The following RGS7 variants were observed in gnomAD, a reference collection of about 807,000 sequenced individuals.
RGS7 encodes the protein regulator of G protein signaling 7.
Under a neutral mutation model 81.1 loss-of-function variants are expected in RGS7, and 27 were observed. That is an observed-to-expected ratio of 0.33 (90% confidence interval 0.25 to 0.46). RGS7 has a LOEUF of 0.46. Among genes scored for constraint, RGS7 ranks in the 20% least tolerant of loss-of-function variants. RGS7 has a pLI of 1.00. For missense variants in RGS7, 396 were observed against 607.4 expected (o/e 0.65, Z 3.66); for synonymous variants, 208 against 207.7 (o/e 1.00, Z -0.01).
rs538736825 is a variant in RGS7, at chr1:241,155,389, C to G, written c.79-56627G>C. 1.1e-3 allele frequency among the ~76,000 whole-genome samples: 172 copies of G among 152,210 alleles called. 2 individuals carry two copies. Among genetic ancestry groups the G allele is most frequent in the African/African-American group, 4.0e-3 (167 of 41,530 alleles). On this transcript the variant is annotated intron_variant, in intron 2 of 18. Coordinates refer to ENST00000440928, the MANE Select transcript of RGS7 (RefSeq NM_001364886.1). Reference sequence around the variant, plus strand: ...TTGGGATTACAGGCGTGAGCCACCTCACCTGGCCAGATTATGTGTCTTTAA... The same window carrying G: ...TTGGGATTACAGGCGTGAGCCACCTGACCTGGCCAGATTATGTGTCTTTAA...
rs571777995 is a variant in RGS7, at chr1:240,923,724, A to AC, written c.385+6992_385+6993insG. 6.3e-3 allele frequency among the ~76,000 whole-genome samples: 952 copies of AC among 152,090 alleles called. 9 individuals carry two copies. Among genetic ancestry groups the AC allele is most frequent in the African/African-American group, 0.02 (850 of 41,540 alleles). ...AATGGAATCCAGATGAAAAAAAAAA[A>AC]ACACACACAATTTGTCTTAACGGAA... On this transcript the variant is annotated intron_variant, in intron 6 of 18. Coordinates refer to ENST00000440928, the MANE Select transcript of RGS7 (RefSeq NM_001364886.1).
chr1:241,093,748 C>G (rs2064051557), intron 3 of RGS7, among the ~76,000 whole-genome samples: 1 of 152,148 alleles, frequency 6.6e-6, no homozygotes, highest in South Asian at 2.1e-4. Flanking sequence ...AAGACCTTCT[C>G]CAGAGAATTT....
chr1:241,259,667 A>AAAAAAAAAAAAAAATATAT, intron 2 of RGS7, among the ~76,000 whole-genome samples: 32 of 49,126 alleles, frequency 6.5e-4, no homozygotes, highest in South Asian at 2.1e-3. Flanking sequence ...AAAAAAAAAA[A>AAAAAAAAAAAAAAATATAT]ATATATATAT....
intron 6 of RGS7, among the ~76,000 whole-genome samples, chr1:240,913,076 A>G (rs1672029620): frequency 6.6e-6 from 1 of 152,218 alleles, no homozygotes; most frequent in South Asian, 2.1e-4. Context: ...TGGCTCAGTT[A>G]ATATGTGAAG....
chr1:241,085,308 A>G (rs1220319129), intron 3 of RGS7, among the ~76,000 whole-genome samples: 3 of 152,202 alleles, frequency 2.0e-5, no homozygotes, highest in Non-Finnish European at 4.4e-5. Context: ...CTAGGTTAAT[A>G]TGGATAGGCT....
chr1:241,312,543 A>C (rs2080604711), intron 2 of RGS7, among the ~76,000 whole-genome samples: 1 of 152,050 alleles, frequency 6.6e-6, no homozygotes, highest in African/African-American at 2.4e-5. Context: ...GTGATCTTTG[A>C]TGTTACTATT....
chr1:240,996,877 GT>G (rs965529498), intron 3 of RGS7, among the ~76,000 whole-genome samples: 84 of 151,570 alleles, frequency 5.5e-4, no homozygotes, highest in African/African-American at 1.9e-3. Flanking sequence ...TTTTTTGTGG[GT>G]TTTTTTTCTT....
chr1:240,779,099 TTGTG>T (rs71172643), intron 18 of RGS7, among the ~76,000 whole-genome samples: 69,744 of 144,056 alleles, frequency 0.48, 18,088 homozygotes, highest in Non-Finnish European at 0.6. Context: ...TTAGTGTTCT[TTGTG>T]TGTGTGTGTG....
rs1469638970 is a variant in RGS7 at position 240,983,901 on chromosome 1, AAT to A, written c.176-774_176-773del. Reference sequence around the variant, plus strand: ...GTGTGATGAATACAAAGTATGAGCAAATATGTTTCTACTTCACACAGAAGAGA... The same window carrying A: ...GTGTGATGAATACAAAGTATGAGCAAATGTTTCTACTTCACACAGAAGAGA... On this transcript the variant is annotated intron_variant, in intron 3 of 18. Transcript: ENST00000440928. 2.0e-5 allele frequency among the ~76,000 whole-genome samples: 3 copies of A among 152,338 alleles called. No individual in the cohort carries two copies. The East Asian group carries it at 5.8e-4, about 29-fold the overall frequency.
chr1:241,013,619 GC>G (rs1558596852), intron 3 of RGS7, among the ~76,000 whole-genome samples: 2 of 152,154 alleles, frequency 1.3e-5, no homozygotes, highest in African/African-American at 4.8e-5. Flanking sequence ...ATCTGAAAGG[GC>G]CCCTCCTCCA....
At chr1:240,939,852 A>G (rs1037794901) in intron 4 of RGS7, among the ~76,000 whole-genome samples, 1 of 152,024 alleles carries the variant, frequency 6.6e-6, no homozygotes, top group East Asian at 1.9e-4. Flanking sequence ...GGATGGATCA[A>G]TTGAGGCCAG....
chr1:241,166,912 C>T (rs999601256), intron 2 of RGS7, among the ~76,000 whole-genome samples: 2 of 152,196 alleles, frequency 1.3e-5, no homozygotes, highest in African/African-American at 4.8e-5. Context: ...ATATTCTCTA[C>T]TGCCAGCGAT....
intron 3 of RGS7, among the ~76,000 whole-genome samples, chr1:241,097,727 A>G (rs914016714): frequency 1.2e-4 from 18 of 152,090 alleles, no homozygotes; most frequent in African/African-American, 3.9e-4. Context: ...TGGCACTTTC[A>G]CTGCCCCCTG....
At chr1:240,973,474 C>T (rs2148518514) in intron 4 of RGS7, among the ~76,000 whole-genome samples, 1 of 151,768 alleles carries the variant, frequency 6.6e-6, no homozygotes, top group Non-Finnish European at 1.5e-5. Flanking sequence ...CACGCCACTG[C>T]ACTCTAGCCT....
intron 4 of RGS7, among the ~76,000 whole-genome samples, chr1:240,955,743 A>G (rs922411017): frequency 6.6e-5 from 10 of 152,334 alleles, no homozygotes; most frequent in Admixed American, 2.6e-4. Context: ...AAAGGAGCAG[A>G]AACAATTCAG....
chr1:241,218,088 CATG>C (rs1327049306), intron 2 of RGS7, among the ~76,000 whole-genome samples: 1 of 152,098 alleles, frequency 6.6e-6, no homozygotes, highest in African/African-American at 2.4e-5. Context: ...TGTATAATTG[CATG>C]ATGTTCTTCC....
chr1:240,869,064 C>T (rs543262448), intron 7 of RGS7, among the ~76,000 whole-genome samples: 39 of 152,152 alleles, frequency 2.6e-4, no homozygotes, highest in Middle Eastern at 3.4e-3. Flanking sequence ...TTACAAATAT[C>T]GATTTTTTGA....
intron 3 of RGS7, among the ~76,000 whole-genome samples, chr1:240,986,124 T>C (rs1461798925): frequency 6.6e-6 from 1 of 152,124 alleles, no homozygotes; most frequent in Non-Finnish European, 1.5e-5. Flanking sequence ...CTGTAGCCTA[T>C]GGAAAGTTTA....
intron 6 of RGS7, among the ~76,000 whole-genome samples, chr1:240,911,197 T>A (rs1208393101): frequency 6.6e-6 from 1 of 152,132 alleles, no homozygotes; most frequent in Non-Finnish European, 1.5e-5. Context: ...TGACTCAGCA[T>A]CATTTACATC....
Sources: gnomAD v4.1 joint callset for allele counts (sites outside exome capture counted in the v4.1 genomes callset) on GRCh38, gnomAD v4.1.1 for gene constraint, MANE v1.5 for transcripts, NCBI Gene and HGNC (gene_info 2026-07-23, HGNC 2026-07-21) for gene names.